Variants in MACROD2 observed in about 807,000 individuals in gnomAD.
The protein encoded by MACROD2 is ADP-ribose glycohydrolase MACROD2.
MACROD2 carries 36 observed loss-of-function variants against 70.4 expected under a neutral mutation model. That is an observed-to-expected ratio of 0.51 (90% CI 0.39 to 0.68). The LOEUF is 0.68. MACROD2 is among the 30% of genes least tolerant of loss of function. The pLI is 0.00. For missense variants in MACROD2, 496 were observed against 538.4 expected, an observed-to-expected ratio of 0.92 and a Z score of 0.78; for synonymous variants, 172 against 178.8, an observed-to-expected ratio of 0.96 and a Z score of 0.30.
chr20:14,489,419 C>T (rs11698192), intron 3 of MACROD2, among the ~76,000 whole-genome samples: 23,959 of 152,212 alleles, frequency 0.16, 2,149 homozygotes, highest in Non-Finnish European at 0.2. Flanking sequence ...TTTTTTAGCA[C>T]TTCCTACTTA....
intron 4 of MACROD2, among the ~76,000 whole-genome samples, chr20:14,662,008 C>T (rs1986251329): frequency 6.6e-6 from 1 of 151,994 alleles, no homozygotes; most frequent in Admixed American, 6.6e-5. Context: ...TATGGACTTC[C>T]ATAAATCATT....
intron 5 of MACROD2, among the ~76,000 whole-genome samples, chr20:14,718,777 G>A (rs901730967): frequency 1.3e-5 from 2 of 152,014 alleles, no homozygotes; most frequent in African/African-American, 4.8e-5. Flanking sequence ...AATAATACTC[G>A]TGAGAACATA....
chr20:14,989,163 T>C (rs1479313520), intron 5 of MACROD2, among the ~76,000 whole-genome samples: 1 of 152,196 alleles, frequency 6.6e-6, no homozygotes, highest in African/African-American at 2.4e-5. Flanking sequence ...ATCCCAATTA[T>C]TTCATATATT....
intron 5 of MACROD2, among the ~76,000 whole-genome samples, chr20:15,030,060 A>G (rs2075262651): frequency 6.7e-6 from 1 of 148,870 alleles, no homozygotes; most frequent in Non-Finnish European, 1.5e-5. Flanking sequence ...CAGCCTGGTG[A>G]CAGAGCAAGA....
chr20:14,700,247 G>C (rs1430982709), intron 5 of MACROD2, among the ~76,000 whole-genome samples: 1 of 151,908 alleles, frequency 6.6e-6, no homozygotes, highest in Non-Finnish European at 1.5e-5. Flanking sequence ...CCATAGTCTG[G>C]GGAAAACTCA....
intron 5 of MACROD2, among the ~76,000 whole-genome samples, chr20:15,188,441 T>C (rs143049750): frequency 2.6e-5 from 4 of 152,232 alleles, no homozygotes; most frequent in Admixed American, 6.5e-5. Context: ...TAGCCGATTC[T>C]AATCAGGTTC....
intron 3 of MACROD2, among the ~76,000 whole-genome samples, chr20:14,265,494 G>A (rs1055705070): frequency 1.1e-4 from 16 of 151,976 alleles, no homozygotes; most frequent in African/African-American, 3.9e-4. Context: ...GAATCTAAGG[G>A]ACTTTTTTTT....
intron 3 of MACROD2, among the ~76,000 whole-genome samples, chr20:14,185,051 G>C (rs2081333981): frequency 6.6e-6 from 1 of 152,052 alleles, no homozygotes; most frequent in East Asian, 1.9e-4. Context: ...CCCATACCTA[G>C]AACTGTAGGG....
At position 14,296,480 on chromosome 20, in the gene MACROD2, C is replaced by T. The variant is rs957417536; in HGVS notation, c.272-196999C>T. Among the ~76,000 whole-genome samples, 7 of 151,846 alleles carry T rather than the reference C, an allele frequency of 4.6e-5. 1 individual carries two copies. Among genetic ancestry groups the T allele is most frequent in the African/African-American group, 1.7e-4 (7 of 41,204 alleles). On this transcript the variant is annotated intron_variant, in intron 3 of 17. Transcript: ENST00000684519. ...GTACACAGCAGTGAAAATGAAGAAA[C>T]TACGTGTATACATAACTTATGTGAA...
At chr20:15,380,893 AACTC>A (rs1453464010) in intron 6 of MACROD2, among the ~76,000 whole-genome samples, 2 of 152,190 alleles carry the variant, frequency 1.3e-5, no homozygotes, top group Non-Finnish European at 2.9e-5. Context: ...ATATAATAAA[AACTC>A]AGTCACATCA....
In MACROD2 at chr20:14,757,740, A is replaced by G. The variant is rs1568778879; in HGVS notation, c.418+72781A>G. On this transcript the variant is annotated intron_variant, in intron 5 of 17. Transcript: ENST00000684519. ...AAGTCCCGAGGCTACGTGAAGGCAC[A>G]GTTTGCCTGGAGACATTTCTACTGG... The G allele has an allele frequency of 4.6e-6, 7 of 1,531,366 alleles. No homozygotes were observed. In the South Asian group the frequency reaches 6.7e-5, roughly 15 times the overall value. 94.9% of individuals were successfully genotyped at this position (1,531,366 alleles called of 1,614,324 possible). A position where few individuals can be genotyped will look rare whatever the true frequency, so the allele number is the denominator to read the frequency against.
chr20:14,725,306 T>G (rs1030331676), intron 5 of MACROD2, among the ~76,000 whole-genome samples: 1 of 151,770 alleles, frequency 6.6e-6, no homozygotes, highest in African/African-American at 2.4e-5. Context: ...AAATATAAAT[T>G]TTGGAGTCAT....
intron 5 of MACROD2, among the ~76,000 whole-genome samples, chr20:15,020,438 G>A (rs1657530316): frequency 6.6e-6 from 1 of 152,084 alleles, no homozygotes; most frequent in South Asian, 2.1e-4. Flanking sequence ...GTTTCCTGAA[G>A]CCTGTGTCTT....
chr20:15,122,647 C>G (rs993382512), intron 5 of MACROD2, among the ~76,000 whole-genome samples: 1 of 152,104 alleles, frequency 6.6e-6, no homozygotes, highest in Non-Finnish European at 1.5e-5. Flanking sequence ...GATTTTTATT[C>G]TTTTTCATTA....
At chr20:15,189,826 T>G (rs76512113) in intron 5 of MACROD2, among the ~76,000 whole-genome samples, 1,979 of 152,296 alleles carry the variant, frequency 0.013, 37 homozygotes, top group African/African-American at 0.044. Flanking sequence ...CATTACAGTG[T>G]TATCTCACCG....
chr20:15,837,151 A>T lies in MACROD2; in HGVS notation c.646-25594A>T, dbSNP rs796172902. Among the ~76,000 whole-genome samples, 111 of 152,324 alleles carry T rather than the reference A, an allele frequency of 7.3e-4. 2 individuals are homozygous for T. The highest frequency in any genetic ancestry group is 2.5e-3 in the African/African-American group (105 of 41,578). ...ACCATGAAGGATAGTAGACGAAAAAAAAGATATTAAAGGAAGCCCCCTTTT... is the reference window on the plus strand; with the variant it reads ...ACCATGAAGGATAGTAGACGAAAAATAAGATATTAAAGGAAGCCCCCTTTT... On this transcript the variant is annotated intron_variant, in intron 8 of 17. Transcript: ENST00000684519.
intron 2 of MACROD2, among the ~76,000 whole-genome samples, chr20:14,017,975 A>G (rs1021032170): frequency 3.9e-5 from 6 of 152,156 alleles, no homozygotes; most frequent in Non-Finnish European, 7.4e-5. Context: ...TCTCCTTACT[A>G]ATTATAGGTC....
At chr20:15,784,218 T>G (rs1033405682) in intron 8 of MACROD2, among the ~76,000 whole-genome samples, 2 of 152,162 alleles carry the variant, frequency 1.3e-5, no homozygotes, top group African/African-American at 4.8e-5. Flanking sequence ...CCCCAGCGCA[T>G]GTGTATTGAG....
chr20:14,292,565 A>G (rs1215367497), intron 3 of MACROD2, among the ~76,000 whole-genome samples: 2 of 151,960 alleles, frequency 1.3e-5, no homozygotes, highest in Non-Finnish European at 2.9e-5. Context: ...CTGCAGTAGC[A>G]GGAGCCATTC....
Sources: gnomAD v4.1 joint callset for allele counts (sites outside exome capture counted in the v4.1 genomes callset) on GRCh38, gnomAD v4.1.1 for gene constraint, MANE v1.5 for transcripts, NCBI Gene and HGNC (gene_info 2026-07-23, HGNC 2026-07-21) for gene names.